Variants in BTD observed in about 807,000 individuals in gnomAD.
BTD encodes biocytinase.
In BTD, 13 loss-of-function variants were observed where a neutral mutation model predicts 17.7. The observed-to-expected ratio is 0.74, with a 90% CI of 0.48 to 1.17. BTD has a LOEUF of 1.17. BTD is among the 50% of genes most tolerant of loss of function. The pLI is 0.00. For synonymous variants in BTD, 240 were observed against 245.2 expected, an observed-to-expected ratio of 0.98 and a Z score of 0.20; for missense variants, 674 against 650.4, an observed-to-expected ratio of 1.04 and a Z score of -0.39.
rs150838300 is a variant in BTD at position 15,718,123 on chromosome 3, T to C, written c.1016-3647T>C. On this transcript the variant is annotated intron_variant, in intron 4 of 4. Transcript: ENST00000672427. Reference sequence around the variant, plus strand: ...AAAATACAGTTGTCAGGAATGAATATATATTCTTGCTGGATGAAAACTCAC... The same window carrying C: ...AAAATACAGTTGTCAGGAATGAATACATATTCTTGCTGGATGAAAACTCAC... Among the ~76,000 whole-genome samples, 431 of 152,324 alleles carry C rather than the reference T, an allele frequency of 2.8e-3. 2 individuals are homozygous for C. Among genetic ancestry groups the C allele is most frequent in the Middle Eastern group, 0.01 (3 of 294 alleles).
In BTD at chr3:15,679,599, A is replaced by G. The variant is rs184411314; in HGVS notation, c.400-30461A>G. On this transcript the variant is annotated intron_variant, in intron 3 of 3. Transcript: ENST00000672141. ...GTAAAGAACCAGGTATTAAAATTCA[A>G]AGGAGATACTGGCAAAAATCACAGG... is the stretch of plus-strand genomic sequence containing the variant. The G allele has an allele frequency of 1.4e-3, 2,149 of 1,541,160 alleles. 17 individuals carry two copies. Among genetic ancestry groups the G allele is most frequent in the Non-Finnish European group, 3.7e-4 (413 of 1,127,378 alleles).
intron 3 of BTD, among the ~76,000 whole-genome samples, chr3:15,693,094 G>A (rs1365920967): frequency 1.3e-5 from 2 of 152,110 alleles, no homozygotes; most frequent in African/African-American, 2.4e-5. Flanking sequence ...ACCAGGGACT[G>A]GGGAAAGGAG....
downstream of BTD, among the ~76,000 whole-genome samples, chr3:15,715,906 A>C: frequency 6.6e-6 from 1 of 152,040 alleles, no homozygotes; most frequent in East Asian, 1.9e-4. Context: ...GCATCTTGGC[A>C]AAAGGATTCT....
intron 2 of BTD, among the ~76,000 whole-genome samples, chr3:15,641,225 CTCCTAAT>C (rs2065495239): frequency 6.6e-6 from 1 of 152,216 alleles, no homozygotes; most frequent in Non-Finnish European, 1.5e-5. Context: ...CGAAGGGAGC[CTCCTAAT>C]TCCCAGTTGG....
At chr3:15,614,121 C>CTTTTT (rs1389454960) in intron 1 of BTD, among the ~76,000 whole-genome samples, 6 of 131,716 alleles carry the variant, frequency 4.6e-5, no homozygotes, top group Non-Finnish European at 6.2e-5. Flanking sequence ...CTCTTTCTTT[C>CTTTTT]TTTCTTTTTT....
intron 1 of BTD, among the ~76,000 whole-genome samples, chr3:15,607,407 T>C (rs2064489754): frequency 6.6e-6 from 1 of 152,240 alleles, no homozygotes; most frequent in African/African-American, 2.4e-5. Flanking sequence ...GGTTTTCTTC[T>C]CTCTGGGCCA....
At chr3:15,678,905 T>C (rs1160668969) in intron 3 of BTD, among the ~76,000 whole-genome samples, 1 of 152,236 alleles carries the variant, frequency 6.6e-6, no homozygotes, top group Non-Finnish European at 1.5e-5. Flanking sequence ...CAACTTTTAA[T>C]AATGGGTTTT....
chr3:15,639,724 G>A (rs2065448129), intron 2 of BTD, among the ~76,000 whole-genome samples: 1 of 152,210 alleles, frequency 6.6e-6, no homozygotes, highest in South Asian at 2.1e-4. Context: ...TCATTGCTAA[G>A]TGTGCAATGA....
downstream of BTD, among the ~76,000 whole-genome samples, chr3:15,715,758 G>A (rs942664866): frequency 6.6e-6 from 1 of 152,158 alleles, no homozygotes; most frequent in African/African-American, 2.4e-5. Context: ...TTACTGGTCT[G>A]TTGTACAGAG....
intron 3 of BTD, among the ~76,000 whole-genome samples, chr3:15,666,482 T>C (rs911751815): frequency 6.6e-6 from 1 of 152,226 alleles, no homozygotes; most frequent in African/African-American, 2.4e-5. Flanking sequence ...AAGAGATAAT[T>C]TATTTCAAGT....
chr3:15,637,871 C>T (rs531848673), intron 2 of BTD, among the ~76,000 whole-genome samples: 1 of 152,334 alleles, frequency 6.6e-6, no homozygotes, highest in South Asian at 2.1e-4. Flanking sequence ...CCAGAGGAAA[C>T]ACTTAACACG....
downstream of BTD, among the ~76,000 whole-genome samples, chr3:15,658,256 CCA>C (rs1355112660): frequency 2.0e-5 from 3 of 152,128 alleles, no homozygotes. Context: ...GTGCTCCTGT[CCA>C]CAGTGTCCTA....
chr3:15,722,494 T>G (rs2073834612), downstream of BTD, among the ~76,000 whole-genome samples: 1 of 152,192 alleles, frequency 6.6e-6, no homozygotes, highest in Non-Finnish European at 1.5e-5. Context: ...GTCCCTGTAA[T>G]AAACCACAAC....
At position 15,645,127 on chromosome 3, in the gene BTD, GTTA is replaced by G; in HGVS notation, c.1214_1216del (p.Tyr405del). On this transcript the variant is annotated inframe_deletion, in exon 4 of 4. Transcript: ENST00000643237. The stretch of plus-strand genomic sequence containing the variant: ...CACGTCTGTTCCAATGGCCTCTGCT[GTTA>G]TTTACTTTACGAGAGGCCCACCTTA... The G allele has an allele frequency of 6.2e-7, 1 of 1,614,192 alleles. No homozygotes were observed. The highest frequency in any genetic ancestry group is 8.5e-7 in the Non-Finnish European group (1 of 1,180,036).
chr3:15,683,009 T>C (rs889078065), intron 3 of BTD, among the ~76,000 whole-genome samples: 1 of 152,174 alleles, frequency 6.6e-6, no homozygotes, highest in African/African-American at 2.4e-5. Flanking sequence ...AGTCTAAATT[T>C]AGCAGTGATA....
At chr3:15,679,158 G>T in intron 3 of BTD, 1 of 690,080 alleles carries the variant, frequency 1.4e-6, no homozygotes, top group Non-Finnish European at 2.5e-6. Flanking sequence ...TGGTAGAGAT[G>T]CAGGTCTTGC....
chr3:15,658,263 G>A (rs1559288574), downstream of BTD, among the ~76,000 whole-genome samples: 1 of 152,156 alleles, frequency 6.6e-6, no homozygotes. Flanking sequence ...TGTCCACAGT[G>A]TCCTATGGAC....
chr3:15,694,678 G>C, intron 3 of BTD: 1 of 1,430,068 alleles, frequency 7.0e-7, no homozygotes, highest in East Asian at 2.3e-5. Context: ...AACACAAATA[G>C]GTTATTAGAT....
rs191832034 is a variant in BTD, at chr3:15,652,870, C to T, written c.*7382C>T. ...CAAAGCCAGAAATCATCTACATCTACTCTCTTTTCTTCTGGTTTTGAATAG... is the reference window on the plus strand; with the variant it reads ...CAAAGCCAGAAATCATCTACATCTATTCTCTTTTCTTCTGGTTTTGAATAG... On this transcript the variant is annotated 3_prime_UTR_variant, in exon 4 of 4. Transcript: ENST00000643237. 3.0e-4 allele frequency among the ~76,000 whole-genome samples: 45 copies of T among 152,306 alleles called. No individual in the cohort carries two copies. Among genetic ancestry groups the T allele is most frequent in the African/African-American group, 1.0e-3 (42 of 41,562 alleles).
Sources: allele counts gnomAD v4.1 joint callset (sites outside exome capture counted in the v4.1 genomes callset), GRCh38; gene constraint gnomAD v4.1.1; transcripts MANE v1.5; gene names NCBI Gene and HGNC (gene_info 2026-07-23, HGNC 2026-07-21).